The following TMEM132D variants were observed in gnomAD, a reference collection of about 807,000 sequenced individuals.
The protein encoded by TMEM132D is mature OL transmembrane protein.
TMEM132D carries 21 observed loss-of-function variants against 62.3 expected under a neutral mutation model. The observed-to-expected ratio is 0.34, with a 90% CI of 0.24 to 0.49. The LOEUF (loss-of-function observed/expected upper bound fraction) is 0.49. Among genes scored for constraint, TMEM132D ranks in the 20% least tolerant of loss-of-function variants. TMEM132D has a pLI of 0.99. For missense variants in TMEM132D, 1,346 were observed against 1,402.8 expected, an observed-to-expected ratio of 0.96 and a Z score of 0.65; for synonymous variants, 621 against 575.6, an observed-to-expected ratio of 1.08 and a Z score of -1.13.
At chr12:129,369,423 C>T (rs527253710) in intron 3 of TMEM132D, among the ~76,000 whole-genome samples, 1 of 152,150 alleles carries the variant, frequency 6.6e-6, no homozygotes, top group East Asian at 1.9e-4. Flanking sequence ...CAGTCGGACA[C>T]CTCAGTCTTG....
At chr12:129,495,738 T>TG (rs1004927374) in intron 3 of TMEM132D, among the ~76,000 whole-genome samples, 5 of 151,634 alleles carry the variant, frequency 3.3e-5, no homozygotes, top group African/African-American at 1.2e-4. Flanking sequence ...TTTGACGGGG[T>TG]GGGGACAGGG....
chr12:129,424,237 G>A (rs1872413790), intron 3 of TMEM132D, among the ~76,000 whole-genome samples: 1 of 151,418 alleles, frequency 6.6e-6, no homozygotes, highest in African/African-American at 2.4e-5. Context: ...AATATCGCAT[G>A]AGCGGGAAGC....
At chr12:129,715,068 T>C (rs576915735) in intron 1 of TMEM132D, among the ~76,000 whole-genome samples, 1 of 152,278 alleles carries the variant, frequency 6.6e-6, no homozygotes, top group South Asian at 2.1e-4. Context: ...TTAAAAATGG[T>C]TTATATTAAT....
intron 5 of TMEM132D, among the ~76,000 whole-genome samples, chr12:129,196,296 A>ATC (rs1385326676): frequency 6.6e-6 from 1 of 152,164 alleles, no homozygotes; most frequent in East Asian, 1.9e-4. Flanking sequence ...TTGTGGTTTT[A>ATC]TCTCTAGAAA....
chr12:129,700,657 A>G lies in TMEM132D; in HGVS notation c.121T>C (p.Ser41Pro), dbSNP rs1333522439. 1.2e-6 allele frequency: 2 copies of G among 1,613,592 alleles called. No individual in the cohort carries two copies. The highest frequency in any genetic ancestry group is 1.7e-5 in the Admixed American group (1 of 59,976). Residue 41 changes from serine to proline, a missense_variant, in exon 2 of 9, where the codon TCC becomes CCC. Coordinates refer to ENST00000422113, the MANE Select transcript of TMEM132D (RefSeq NM_133448.3). ...RGILESIQRF[S>P]LLPTYLPVTY... ...ACGGGGAGGTAGGTGGGCAGCAAGG[A>G]AAACCTCTGGATGCTCTCAAGGATC...
Position 129,121,119 on chromosome 12 carries a change from A to G in TMEM132D, c.1444-36417T>C, listed in dbSNP as rs947142817. On this transcript the variant is annotated intron_variant, in intron 5 of 8. Transcript: ENST00000422113. ...TTTATTTATTTGTTTTTTTTGAGGC[A>G]GAGTCTTGGTCTGTGGCCCAGGCTG... Among the ~76,000 whole-genome samples the G allele has an allele frequency of 2.0e-5, 3 of 152,016 alleles. 1 individual carries two copies. In the South Asian group the frequency reaches 6.2e-4, roughly 32 times the overall value.
intron 5 of TMEM132D, among the ~76,000 whole-genome samples, chr12:129,114,591 C>A (rs775913379): frequency 2.4e-4 from 37 of 152,164 alleles, no homozygotes; most frequent in Admixed American, 1.6e-3. Context: ...TTTCATGAAG[C>A]AAACAAACTT....
intron 3 of TMEM132D, among the ~76,000 whole-genome samples, chr12:129,343,775 A>AC (rs1022199149): frequency 6.6e-6 from 1 of 150,784 alleles, no homozygotes; most frequent in Non-Finnish European, 1.5e-5. Context: ...AAAAAACAAA[A>AC]AAAAAAAACA....
intron 4 of TMEM132D, among the ~76,000 whole-genome samples, chr12:129,330,104 A>C (rs1003267898): frequency 2.5e-4 from 38 of 152,252 alleles, no homozygotes; most frequent in Middle Eastern, 3.4e-3. Flanking sequence ...TGAGATAAGG[A>C]GGGAAGAGAT....
intron 3 of TMEM132D, among the ~76,000 whole-genome samples, chr12:129,417,654 T>C (rs970251835): frequency 3.9e-5 from 6 of 152,032 alleles, no homozygotes; most frequent in Non-Finnish European, 5.9e-5. Context: ...AAGACTTAAC[T>C]ACTAAAACAC....
At chr12:129,620,140 C>G (rs1593092170) in intron 2 of TMEM132D, among the ~76,000 whole-genome samples, 1 of 152,224 alleles carries the variant, frequency 6.6e-6, no homozygotes, top group South Asian at 2.1e-4. Flanking sequence ...CAAAAGCAGG[C>G]TGAAGCTGGC....
In TMEM132D at chr12:129,362,009, TA is replaced by T. The variant is rs147353449; in HGVS notation, c.1116-24193del. ...TCACGATCTTGTTTACTTATTTATT[TA>T]TTTTTCTGAGAGGTTGCTTCTCCAA... On this transcript the variant is annotated intron_variant, in intron 3 of 8. Coordinates refer to ENST00000422113, the MANE Select transcript of TMEM132D (RefSeq NM_133448.3). 3.0e-3 allele frequency among the ~76,000 whole-genome samples: 456 copies of T among 152,350 alleles called. 1 individual carries two copies. Among genetic ancestry groups the T allele is most frequent in the African/African-American group, 0.011 (441 of 41,586 alleles).
chr12:129,870,939 G>A (rs146286621), intron 1 of TMEM132D, among the ~76,000 whole-genome samples: 445 of 152,192 alleles, frequency 2.9e-3, no homozygotes, highest in Non-Finnish European at 4.6e-3. Flanking sequence ...GCATTGAATC[G>A]CAGGACACAC....
intron 1 of TMEM132D, among the ~76,000 whole-genome samples, chr12:129,764,226 C>T (rs920956714): frequency 6.6e-6 from 1 of 152,118 alleles, no homozygotes; most frequent in African/African-American, 2.4e-5. Context: ...TTTCTCTTGC[C>T]TCATAAGAAG....
intron 5 of TMEM132D, among the ~76,000 whole-genome samples, chr12:129,122,252 T>C (rs1043887756): frequency 6.6e-6 from 1 of 152,200 alleles, no homozygotes; most frequent in Admixed American, 6.5e-5. Flanking sequence ...ACTGCTCATC[T>C]CTGGGCATAT....
intron 1 of TMEM132D, among the ~76,000 whole-genome samples, chr12:129,825,892 T>C (rs1872649974): frequency 6.6e-6 from 1 of 151,940 alleles, no homozygotes; most frequent in Admixed American, 6.6e-5. Context: ...AGCAAGACCC[T>C]ATCTCTACAA....
intron 4 of TMEM132D, among the ~76,000 whole-genome samples, chr12:129,222,801 T>C (rs1879381448): frequency 6.6e-6 from 1 of 152,150 alleles, no homozygotes; most frequent in African/African-American, 2.4e-5. Context: ...CATTTTCAGC[T>C]ATAAAATGAG....
At chr12:129,593,328 A>G (rs1364670865) in intron 2 of TMEM132D, among the ~76,000 whole-genome samples, 1 of 152,206 alleles carries the variant, frequency 6.6e-6, no homozygotes, top group Non-Finnish European at 1.5e-5. Context: ...ACTCAAGGAA[A>G]CAGAAGATAA....
intron 3 of TMEM132D, among the ~76,000 whole-genome samples, chr12:129,513,630 A>T (rs373958287): frequency 1.4e-5 from 2 of 142,334 alleles, no homozygotes; most frequent in African/African-American, 2.6e-5. Context: ...GACTACAGGC[A>T]CCCACCACCA....
Sources: allele counts gnomAD v4.1 joint callset (sites outside exome capture counted in the v4.1 genomes callset), GRCh38; gene constraint gnomAD v4.1.1; transcripts MANE v1.5; gene names NCBI Gene and HGNC (gene_info 2026-07-23, HGNC 2026-07-21).